Variants in CSTPP1 observed in about 807,000 individuals in gnomAD.
CSTPP1 encodes centriolar satellite-associated tubulin polyglutamylase complex regulator 1.
At chr11:46,964,527 C>T in the CSTPP1 span, among the ~76,000 whole-genome samples, 4 of 152,116 alleles carry the variant, frequency 2.6e-5, no homozygotes, top group African/African-American at 9.7e-5. Context: ...CCTCGTGATC[C>T]GCCCGCCTCG....
At chr11:47,082,305 C>G in the CSTPP1 span, among the ~76,000 whole-genome samples, 1 of 150,988 alleles carries the variant, frequency 6.6e-6, no homozygotes, top group African/African-American at 2.4e-5. Flanking sequence ...TATTTTGTTG[C>G]AGAAAGAGGA....
chr11:46,970,402 T>TA, the CSTPP1 span, among the ~76,000 whole-genome samples: 21 of 150,066 alleles, frequency 1.4e-4, no homozygotes, highest in African/African-American at 4.4e-4. Flanking sequence ...TTTATAATAA[T>TA]AATAAATAAA....
At chr11:47,062,184 T>C in the CSTPP1 span, among the ~76,000 whole-genome samples, 1 of 152,186 alleles carries the variant, frequency 6.6e-6, no homozygotes, top group South Asian at 2.1e-4. Context: ...AGTATTTACT[T>C]GAATGACTTT....
the CSTPP1 span, among the ~76,000 whole-genome samples, chr11:47,151,505 A>G: frequency 0.029 from 4,406 of 151,996 alleles, 229 homozygotes; most frequent in African/African-American, 0.099. Context: ...GTGGCTGTGG[A>G]CGTGGAAAGA....
At chr11:47,128,618 G>T in the CSTPP1 span, among the ~76,000 whole-genome samples, 1 of 152,070 alleles carries the variant, frequency 6.6e-6, no homozygotes, top group Non-Finnish European at 1.5e-5. Context: ...GAACTCCTGG[G>T]TTCAAGCGAT....
chr11:46,983,676 T>G, the CSTPP1 span, among the ~76,000 whole-genome samples: 1 of 152,218 alleles, frequency 6.6e-6, no homozygotes, highest in Non-Finnish European at 1.5e-5. Flanking sequence ...TCTCCGTGTT[T>G]TATTGCCAGG....
chr11:46,982,060 G>T, the CSTPP1 span, among the ~76,000 whole-genome samples: 1 of 151,776 alleles, frequency 6.6e-6, no homozygotes, highest in Non-Finnish European at 1.5e-5. Flanking sequence ...ATTTATAAAT[G>T]ATATTGAACT....
At chr11:47,157,805 C>T in the CSTPP1 span, 1 of 1,612,678 alleles carries the variant, frequency 6.2e-7, no homozygotes, top group South Asian at 1.1e-5. Flanking sequence ...GGCATCTCTC[C>T]TTCTTAGCTG....
chr11:47,134,930 G>C, the CSTPP1 span, among the ~76,000 whole-genome samples: 3 of 152,000 alleles, frequency 2.0e-5, no homozygotes, highest in African/African-American at 7.2e-5. Flanking sequence ...GTGACGGCAC[G>C]AGACCCCGTC....
chr11:47,110,801 G>A, the CSTPP1 span, among the ~76,000 whole-genome samples: 9 of 152,016 alleles, frequency 5.9e-5, no homozygotes, highest in Non-Finnish European at 1.0e-4. Flanking sequence ...GCAACTCCAG[G>A]GCCCTGAAGC....
At chr11:47,034,932 C>T in the CSTPP1 span, among the ~76,000 whole-genome samples, 1 of 152,184 alleles carries the variant, frequency 6.6e-6, no homozygotes, top group African/African-American at 2.4e-5. Flanking sequence ...CCTTTACTGG[C>T]ATTAAATTCT....
the CSTPP1 span, among the ~76,000 whole-genome samples, chr11:47,020,315 T>A: frequency 6.6e-6 from 1 of 152,244 alleles, no homozygotes; most frequent in African/African-American, 2.4e-5. Flanking sequence ...AATAATTTTT[T>A]ATAAAATAAT....
At chr11:47,124,004 C>T in the CSTPP1 span, among the ~76,000 whole-genome samples, 1 of 151,714 alleles carries the variant, frequency 6.6e-6, no homozygotes, top group Non-Finnish European at 1.5e-5. Flanking sequence ...ACTTCCTCAA[C>T]CACAGAGAAT....
the CSTPP1 span, among the ~76,000 whole-genome samples, chr11:46,990,827 A>G: frequency 6.6e-6 from 1 of 152,160 alleles, no homozygotes; most frequent in Admixed American, 6.5e-5. Context: ...GTAAGGGTCC[A>G]GTTTCATTCT....
At chr11:47,139,001 A>G in the CSTPP1 span, among the ~76,000 whole-genome samples, 5 of 150,332 alleles carry the variant, frequency 3.3e-5, no homozygotes, top group Non-Finnish European at 5.9e-5. Context: ...AAAAAAAAAA[A>G]AAAAAAAAAA....
At chr11:47,054,795 C>T in the CSTPP1 span, among the ~76,000 whole-genome samples, 1 of 152,058 alleles carries the variant, frequency 6.6e-6, no homozygotes, top group Non-Finnish European at 1.5e-5. Context: ...AGATAGAATC[C>T]ATAGGATTTG....
chr11:47,129,316 T>C, the CSTPP1 span, among the ~76,000 whole-genome samples: 19 of 152,116 alleles, frequency 1.2e-4, no homozygotes, highest in Non-Finnish European at 2.2e-4. Flanking sequence ...CTTTGAGAGC[T>C]TATGGTGCCA....
At chr11:46,982,179 A>G in the CSTPP1 span, among the ~76,000 whole-genome samples, 1 of 151,990 alleles carries the variant, frequency 6.6e-6, no homozygotes, top group Non-Finnish European at 1.5e-5. Flanking sequence ...TATTTGTGCC[A>G]TCCAGCATCT....
the CSTPP1 span, among the ~76,000 whole-genome samples, chr11:47,158,553 T>C: frequency 9.2e-5 from 14 of 152,150 alleles, no homozygotes; most frequent in African/African-American, 3.4e-4. Flanking sequence ...TTGTTTTATT[T>C]TGGGACAGAG....
Sources: gnomAD v4.1 joint callset for allele counts (sites outside exome capture counted in the v4.1 genomes callset) on GRCh38, gnomAD v4.1.1 for gene constraint, MANE v1.5 for transcripts, NCBI Gene and HGNC (gene_info 2026-07-23, HGNC 2026-07-21) for gene names.